The following XRN1 variants were observed in gnomAD, a reference collection of about 807,000 sequenced individuals.
XRN1 encodes the protein strand-exchange protein 1 homolog.
A neutral mutation model predicts 222.3 loss-of-function variants in XRN1; 67 were observed. The ratio of observed to expected loss-of-function variants is 0.30; its 90% CI spans 0.25 to 0.37. The LOEUF (loss-of-function observed/expected upper bound fraction) is 0.37. XRN1 is among the 10% of genes least tolerant of loss of function. The pLI, the probability that XRN1 is intolerant of heterozygous loss-of-function variation, is 1.00. For missense variants in XRN1, 1,707 were observed against 2,000.2 expected (o/e 0.85, Z 2.80); for synonymous variants, 643 against 652.4 (o/e 0.99, Z 0.22).
At chr3:142,332,052 A>T (rs550244513) in intron 36 of XRN1, among the ~76,000 whole-genome samples, 1 of 152,330 alleles carries the variant, frequency 6.6e-6, no homozygotes, top group South Asian at 2.1e-4. Context: ...CTGAGATTAC[A>T]GGCATGAGCC....
Position 142,339,445 on chromosome 3 carries a change from C to T in XRN1, c.3878-3936G>A, listed in dbSNP as rs118104340. The stretch of plus-strand genomic sequence containing the variant: ...TCATTTCAAATACTTGGAAAGTGTT[C>T]CCAAGAAGGACTGCTACAAACAAGC... On this transcript the variant is annotated intron_variant, in intron 33 of 40. Transcript: ENST00000392981. 3.0e-4 allele frequency among the ~76,000 whole-genome samples: 46 copies of T among 152,188 alleles called. 1 individual carries two copies. The East Asian group carries it at 8.7e-3, about 29-fold the overall frequency.
intron 1 of XRN1, chr3:142,435,432 A>G (rs1168952971): frequency 6.6e-6 from 1 of 151,196 alleles, no homozygotes; most frequent in African/African-American, 2.4e-5. Context: ...TCTCTAACAC[A>G]TAAAAAATAC....
chr3:142,383,011 G>A (rs73867035), intron 22 of XRN1, among the ~76,000 whole-genome samples: 10,593 of 149,594 alleles, frequency 0.071, 1,246 homozygotes, highest in African/African-American at 0.25. Context: ...TTACAAAATC[G>A]TTTCATCCAT....
intron 1 of XRN1, among the ~76,000 whole-genome samples, chr3:142,443,535 A>G (rs2070346452): frequency 6.6e-6 from 1 of 152,240 alleles, no homozygotes; most frequent in Non-Finnish European, 1.5e-5. Context: ...TGGGAGGGAC[A>G]AGGATCGGGA....
chr3:142,422,532 A>C (rs1442295187), intron 8 of XRN1, 50 bp downstream of exon 8: 2 of 1,542,980 alleles, frequency 1.3e-6, no homozygotes, highest in Non-Finnish European at 1.8e-6. Flanking sequence ...TTTTAGGGTA[A>C]GGTGGCACTA....
intron 32 of XRN1, among the ~76,000 whole-genome samples, chr3:142,350,295 T>C (rs1019283488): frequency 6.6e-6 from 1 of 152,076 alleles, no homozygotes; most frequent in African/African-American, 2.4e-5. Context: ...AATAAGCCTC[T>C]CTCTGAGGAG....
chr3:142,388,856 G>T (rs1229888893), intron 20 of XRN1, among the ~76,000 whole-genome samples: 1 of 152,182 alleles, frequency 6.6e-6, no homozygotes, highest in Non-Finnish European at 1.5e-5. Context: ...AATGTTCACA[G>T]CATCTTCACT....
In XRN1 at chr3:142,400,296, A is replaced by T. The variant is rs2068078003; in HGVS notation, c.2207+148T>A. ...AACTGTCAATAGTGTTTGAACTTCA[A>T]GTGGTGTCATTAGACGACTTTCATT... On this transcript the variant is annotated intron_variant, in intron 19 of 40. Coordinates refer to ENST00000392981, the MANE Select transcript of XRN1 (RefSeq NM_001282857.2). 3 of 554,878 alleles carry T rather than the reference A, an allele frequency of 5.4e-6. No homozygotes were observed. In the African/African-American group the frequency reaches 5.7e-5, roughly 11 times the overall value. 34.4% of individuals were successfully genotyped at this position (554,878 alleles called of 1,614,324 possible). A position where few individuals can be genotyped will look rare whatever the true frequency, so the allele number is the denominator to read the frequency against.
intron 20 of XRN1, among the ~76,000 whole-genome samples, chr3:142,388,269 T>A (rs947450350): frequency 1.2e-4 from 11 of 88,126 alleles, no homozygotes; most frequent in African/African-American, 9.9e-4. Flanking sequence ...TAATTAATAG[T>A]AAATATATTT....
intron 27 of XRN1, among the ~76,000 whole-genome samples, chr3:142,368,615 G>T (rs982142318): frequency 6.6e-6 from 1 of 152,134 alleles, no homozygotes; most frequent in Non-Finnish European, 1.5e-5. Context: ...TTTGTTAACT[G>T]GAAAACTCAC....
chr3:142,379,418 A>T (rs994870677), intron 23 of XRN1, among the ~76,000 whole-genome samples: 2 of 152,248 alleles, frequency 1.3e-5, no homozygotes, highest in African/African-American at 4.8e-5. Context: ...CTCAGAAGCT[A>T]CTGGAGTAAG....
intron 37 of XRN1, among the ~76,000 whole-genome samples, chr3:142,319,472 A>T (rs767668586): frequency 2.6e-5 from 4 of 152,168 alleles, no homozygotes; most frequent in Non-Finnish European, 4.4e-5. Context: ...TAACTATATT[A>T]TACTTTAATT....
At chr3:142,414,043 C>T (rs978687163) in intron 14 of XRN1, 92 bp downstream of exon 14, 4 of 1,265,736 alleles carry the variant, frequency 3.2e-6, no homozygotes, top group Non-Finnish European at 4.2e-6. Flanking sequence ...TACTTAGCTA[C>T]CAAATAAATT....
At chr3:142,348,528 T>C (rs1040114768) in intron 32 of XRN1, among the ~76,000 whole-genome samples, 2 of 152,150 alleles carry the variant, frequency 1.3e-5, no homozygotes, top group East Asian at 1.9e-4. Context: ...CAAAAAGAGA[T>C]AGACAATTTC....
At position 142,398,759 on chromosome 3, in the gene XRN1, G is replaced by A. The variant is rs187171517; in HGVS notation, c.2208-1299C>T. On this transcript the variant is annotated intron_variant, in intron 19 of 40. Coordinates refer to ENST00000392981, the MANE Select transcript of XRN1 (RefSeq NM_001282857.2). ...CTTACAGGAAATATGTGGGATAGAC[G>A]ACAAAGTTAAATGACACTAAAAGGA... Among the ~76,000 whole-genome samples the A allele has an allele frequency of 1.0e-3, 157 of 152,110 alleles. 1 individual carries two copies. The highest frequency in any genetic ancestry group is 3.5e-3 in the African/African-American group (144 of 41,484).
chr3:142,378,079 A>G (rs1464246820), intron 23 of XRN1, among the ~76,000 whole-genome samples: 2 of 152,202 alleles, frequency 1.3e-5, no homozygotes, highest in East Asian at 3.8e-4. Context: ...GGAAAAAAAA[A>G]GGCTAAGTAG....
chr3:142,329,165 A>C (rs1009337205), intron 37 of XRN1, among the ~76,000 whole-genome samples: 6 of 152,066 alleles, frequency 3.9e-5, no homozygotes, highest in Non-Finnish European at 8.8e-5. Flanking sequence ...AAAAAGTTTG[A>C]AAATTGCTAC....
At chr3:142,409,993 A>T (rs539699820) in intron 15 of XRN1, among the ~76,000 whole-genome samples, 19 of 152,300 alleles carry the variant, frequency 1.2e-4, no homozygotes, top group Admixed American at 3.9e-4. Flanking sequence ...CAGATCTTAT[A>T]CTCTGTAACC....
chr3:142,316,816 T>G (rs2065222845), intron 39 of XRN1, among the ~76,000 whole-genome samples: 1 of 152,158 alleles, frequency 6.6e-6, no homozygotes. Flanking sequence ...GCTTGTAATC[T>G]CAGCATTTCT....
Sources: gnomAD v4.1 joint callset for allele counts (sites outside exome capture counted in the v4.1 genomes callset) on GRCh38, gnomAD v4.1.1 for gene constraint, MANE v1.5 for transcripts, NCBI Gene and HGNC (gene_info 2026-07-23, HGNC 2026-07-21) for gene names.